PDE9A: variants seen among roughly 807,000 people sequenced by gnomAD.
PDE9A encodes high affinity cGMP-specific 3',5'-cyclic phosphodiesterase 9A.
A neutral mutation model predicts 87.4 loss-of-function variants in PDE9A; 60 were observed. That is an observed-to-expected ratio of 0.69 (90% CI 0.56 to 0.85). The LOEUF is 0.85. PDE9A is among the 40% of genes least tolerant of loss of function. The pLI is 0.00. For missense variants in PDE9A, 665 were observed against 779.0 expected (o/e 0.85, Z 1.74); for synonymous variants, 272 against 279.4 (o/e 0.97, Z 0.27).
rs749614988 is a variant in PDE9A at position 42,659,900 on chromosome 21, G to A, written c.69+6017G>A. Among the ~76,000 whole-genome samples, 1 of 152,220 alleles carries A rather than the reference G, an allele frequency of 6.6e-6. No homozygotes were observed. Among genetic ancestry groups the A allele is most frequent in the Non-Finnish European group, 1.5e-5 (1 of 68,038 alleles). ...CGCAGAGGAAGGGCACACTGTCCCCGTCAGACGCCTCAGATGAACTGACAT... is the reference window on the plus strand; with the variant it reads ...CGCAGAGGAAGGGCACACTGTCCCCATCAGACGCCTCAGATGAACTGACAT... On this transcript the variant is annotated intron_variant, in intron 1 of 19. Transcript: ENST00000291539. This position sits in a 1 kb window ranked among gnomAD's most constrained non-coding sequence, Gnocchi z 4.1.
chr21:42,674,410 G>A (rs1002555107), intron 1 of PDE9A, among the ~76,000 whole-genome samples: 6 of 150,868 alleles, frequency 4.0e-5, no homozygotes, highest in African/African-American at 1.5e-4. Flanking sequence ...CCGAGTCCTG[G>A]CCCTTGGGGA....
rs527665856 is a variant in PDE9A at position 42,739,138 on chromosome 21, G to A, written c.569-4638G>A. ...CCCCTAGCAGGGTCCAGTGGGCCAG[G>A]GAGCCTCTGCTTTGGTTTGTGGTGC... On this transcript the variant is annotated intron_variant, in intron 7 of 19. Transcript: ENST00000291539. This position sits in a 1 kb window ranked among gnomAD's most constrained non-coding sequence, Gnocchi z 4.1. 6.6e-6 allele frequency among the ~76,000 whole-genome samples: 1 copy of A among 152,360 alleles called. No homozygotes were observed. The highest frequency in any genetic ancestry group is 1.9e-4 in the East Asian group (1 of 5,186).
At chr21:42,680,713 A>C (rs2059122979) in intron 1 of PDE9A, among the ~76,000 whole-genome samples, 1 of 152,046 alleles carries the variant, frequency 6.6e-6, no homozygotes, top group African/African-American at 2.4e-5. Flanking sequence ...CTGCTGATCA[A>C]CCCCAACAAG....
intron 9 of PDE9A, among the ~76,000 whole-genome samples, chr21:42,753,735 G>A (rs565355306): frequency 6.6e-6 from 1 of 151,906 alleles, no homozygotes; most frequent in Non-Finnish European, 1.5e-5. Context: ...ATGGTGGCGG[G>A]CGCCTGCAGT....
chr21:42,707,968 G>A (rs1348539401), intron 4 of PDE9A, among the ~76,000 whole-genome samples: 1 of 152,200 alleles, frequency 6.6e-6, no homozygotes, highest in East Asian at 1.9e-4. Context: ...AATTTTAATA[G>A]AACAGGAATG....
chr21:42,677,656 T>C (rs375997399), intron 1 of PDE9A, among the ~76,000 whole-genome samples: 117 of 152,294 alleles, frequency 7.7e-4, no homozygotes, highest in African/African-American at 2.7e-3. Flanking sequence ...TTTTTTTTTT[T>C]TCTTGAGATG....
intron 4 of PDE9A, among the ~76,000 whole-genome samples, chr21:42,728,353 C>T (rs140014567): frequency 2.2e-3 from 342 of 152,214 alleles, no homozygotes; most frequent in African/African-American, 7.8e-3. Context: ...TGCTTTTAAT[C>T]AACTTGAAGA....
chr21:42,774,072 CTG>C (rs1224487996), intron 19 of PDE9A, among the ~76,000 whole-genome samples: 4 of 151,918 alleles, frequency 2.6e-5, no homozygotes, highest in African/African-American at 9.7e-5. Context: ...GAGCGAGACT[CTG>C]TCTCAAAAAA....
intron 16 of PDE9A, chr21:42,768,533 T>G: frequency 7.7e-7 from 1 of 1,302,922 alleles, no homozygotes; most frequent in South Asian, 2.3e-5. Context: ...CTGTCACTGC[T>G]AATTGAGCCA....
intron 1 of PDE9A, among the ~76,000 whole-genome samples, chr21:42,655,939 G>C (rs546544523): frequency 6.6e-6 from 1 of 152,052 alleles, no homozygotes; most frequent in South Asian, 2.1e-4. Flanking sequence ...AAGCTGAATC[G>C]TTTGCCCAAG....
chr21:42,707,569 C>G (rs915962195), intron 4 of PDE9A, among the ~76,000 whole-genome samples: 3 of 152,130 alleles, frequency 2.0e-5, no homozygotes, highest in African/African-American at 7.2e-5. Flanking sequence ...TTCCATGCCT[C>G]AATCCCCCAC....
At position 42,733,412 on chromosome 21, in the gene PDE9A, A is replaced by C. The variant is rs533521025; in HGVS notation, c.554A>C (p.Glu185Ala). The change falls in exon 7 of 20, where the codon GAG becomes GCG. Residue 185 changes from glutamate (E) to alanine (A), a missense_variant. Physicochemically the swap from Glu to Ala is moderately radical, Grantham distance 107. Coordinates refer to ENST00000291539, the MANE Select transcript of PDE9A (RefSeq NM_002606.3). Reference protein sequence around the residue: ...AEVANHLAVLEKRVELEGLKV... With the variant: ...AEVANHLAVLAKRVELEGLKV... The stretch of plus-strand genomic sequence containing the variant: ...GTTGCAAATCACTTGGCTGTCCTAG[A>C]GAAACGCGTGGAATGTGAGTGACGT... 1 of 1,597,718 alleles carries C rather than the reference A, an allele frequency of 6.3e-7. No homozygotes were observed. The highest frequency in any genetic ancestry group is 1.3e-5 in the African/African-American group (1 of 74,736).
At chr21:42,742,158 A>G (rs2053348993) in intron 7 of PDE9A, among the ~76,000 whole-genome samples, 1 of 152,160 alleles carries the variant, frequency 6.6e-6, no homozygotes. Flanking sequence ...GAAAAATAGT[A>G]TCCTAACTGT....
Position 42,675,858 on chromosome 21 carries a change from C to T in PDE9A, c.70-10334C>T, listed in dbSNP as rs1406130516. On this transcript the variant is annotated intron_variant, in intron 1 of 19. Transcript: ENST00000291539. The surrounding 1 kb of genome is among the most constrained non-coding windows in gnomAD (Gnocchi z 4.3). ...TTGCTGATGTCGTTTAGATATTTGT[C>T]CCCGCCAAATCTCATGTTGAATTGG... 6.6e-6 allele frequency among the ~76,000 whole-genome samples: 1 copy of T among 152,170 alleles called. No individual in the cohort carries two copies. Among genetic ancestry groups the T allele is most frequent in the African/African-American group, 2.4e-5 (1 of 41,442 alleles).
chr21:42,654,133 A>C (rs2056865660), intron 1 of PDE9A, among the ~76,000 whole-genome samples: 1 of 152,036 alleles, frequency 6.6e-6, no homozygotes, highest in Non-Finnish European at 1.5e-5. Context: ...TTTCTTTTTG[A>C]AAATCTGATT....
intron 1 of PDE9A, among the ~76,000 whole-genome samples, chr21:42,681,722 C>T (rs557057506): frequency 2.8e-4 from 43 of 152,334 alleles, no homozygotes; most frequent in African/African-American, 9.6e-4. Context: ...GATGACCTGC[C>T]GTGCATTCTC....
At chr21:42,709,708 G>A (rs1412712961) in intron 4 of PDE9A, among the ~76,000 whole-genome samples, 1 of 152,116 alleles carries the variant, frequency 6.6e-6, no homozygotes, top group Admixed American at 6.6e-5. Flanking sequence ...TTTTGAGACA[G>A]GGTCTCACGC....
At chr21:42,682,255 G>A (rs1486875964) in intron 1 of PDE9A, among the ~76,000 whole-genome samples, 5 of 152,390 alleles carry the variant, frequency 3.3e-5, no homozygotes, top group African/African-American at 1.2e-4. Flanking sequence ...TGTATAAGGA[G>A]TGAAGCAATG....
intron 15 of PDE9A, among the ~76,000 whole-genome samples, chr21:42,767,590 G>A (rs1025292992): frequency 1.3e-5 from 2 of 152,154 alleles, no homozygotes; most frequent in East Asian, 3.9e-4. Flanking sequence ...GGTGCAGCCC[G>A]CAGCCCGGGG....
Sources: gnomAD v4.1 joint callset for allele counts (sites outside exome capture counted in the v4.1 genomes callset) on GRCh38, gnomAD v4.1.1 for gene constraint, Gnocchi (gnomAD v3.1) non-coding constraint, MANE v1.5 for transcripts, NCBI Gene and HGNC (gene_info 2026-07-23, HGNC 2026-07-21) for gene names.